BRCA2: variants seen among roughly 807,000 people sequenced by gnomAD.
BRCA2 encodes the protein BRCA2 DNA repair associated.
A neutral mutation model predicts 276.7 loss-of-function variants in BRCA2; 203 were observed. The observed-to-expected ratio is 0.73, with a 90% CI of 0.65 to 0.82. BRCA2 has a LOEUF of 0.82. Ranked by LOEUF, BRCA2 falls within the 40% of genes least tolerant of loss-of-function variation. The pLI, the probability that BRCA2 is intolerant of heterozygous loss-of-function variation, is 0.00. For synonymous variants in BRCA2, 1,289 were observed against 1,338.4 expected (o/e 0.96, Z 0.81); for missense variants, 3,920 against 3,915.0 (o/e 1.00, Z -0.03).
intron 1 of BRCA2, among the ~76,000 whole-genome samples, chr13:32,316,049 T>A (rs2072255099): frequency 6.6e-6 from 1 of 152,218 alleles, no homozygotes; most frequent in South Asian, 2.1e-4. Flanking sequence ...GTATTTGCCT[T>A]ACTTAAGCCC....
chr13:32,399,358 C>A lies in BRCA2; in HGVS notation c.*588C>A. 1 of 190,844 alleles carries A rather than the reference C, an allele frequency of 5.2e-6. No individual in the cohort carries two copies. The highest frequency in any genetic ancestry group is 1.1e-5 in the Non-Finnish European group (1 of 91,160). 11.8% of individuals were successfully genotyped at this position (190,844 alleles called of 1,614,324 possible). On this transcript the variant is annotated 3_prime_UTR_variant, in exon 27 of 27. Coordinates refer to ENST00000380152, the MANE Select transcript of BRCA2 (RefSeq NM_000059.4). ...AGAGGTAACTCACTATGAAATAGTT[C>A]TCCTTAATGCAAATATGTTGGTTCT...
intron 11 of BRCA2, among the ~76,000 whole-genome samples, chr13:32,343,190 T>C (rs1348311715): frequency 1.3e-5 from 2 of 152,178 alleles, no homozygotes; most frequent in African/African-American, 4.8e-5. Context: ...ATTAGGTATG[T>C]ATTTGGTTTT....
rs55647716 is a variant in BRCA2, at chr13:32,357,806, A to T, written c.7682A>T (p.Gln2561Leu). The T allele has an allele frequency of 6.2e-7, 1 of 1,613,890 alleles. No individual in the cohort carries two copies. Among genetic ancestry groups the T allele is most frequent in the Non-Finnish European group, 8.5e-7 (1 of 1,179,816 alleles). ...KINSKNAESFQFHTEDYFGKE... is the reference protein window; with the variant it reads ...KINSKNAESFLFHTEDYFGKE... ...AACAGCAAAAATGCAGAGTCTTTTC[A>T]GTTTCACACTGAAGATTATTTTGGT... is the stretch of plus-strand genomic sequence containing the variant. Residue 2561 changes from glutamine to leucine, a missense_variant, in exon 16 of 27, where the codon CAG becomes CTG. Transcript: ENST00000380152.
chr13:32,362,389 T>C lies in BRCA2; in HGVS notation c.7806-134T>C, dbSNP rs1315598274. ...GTCAAATAATTTTCTGAAATTATATTGTAGATCATATGAACTCATAAAAAC... is the reference window on the plus strand; with the variant it reads ...GTCAAATAATTTTCTGAAATTATATCGTAGATCATATGAACTCATAAAAAC... On this transcript the variant is annotated intron_variant, in intron 16 of 26. Coordinates refer to ENST00000380152, the MANE Select transcript of BRCA2 (RefSeq NM_000059.4). 3 of 827,756 alleles carry C rather than the reference T, an allele frequency of 3.6e-6. No homozygotes were observed. In the African/African-American group the frequency reaches 5.2e-5, roughly 14 times the overall value. The allele number at this position is 827,756 out of a possible 1,614,324, so 51.3% of individuals were successfully genotyped here.
chr13:32,362,631 T>G lies in BRCA2; in HGVS notation c.7914T>G (p.Phe2638Leu), dbSNP rs764248927. 6.2e-6 allele frequency: 10 copies of G among 1,614,234 alleles called. No individual in the cohort carries two copies. The highest frequency in any genetic ancestry group is 8.5e-6 in the Non-Finnish European group (10 of 1,180,040). The stretch of plus-strand genomic sequence containing the variant: ...AACTGGCAGCTATGGAATGTGCCTT[T>G]CCTAAGGAATTTGCTAATAGATGCC... ...IWKLAAMECA[F>L]PKEFANRCLS... The change falls in exon 17 of 27, where the codon TTT becomes TTG. Residue 2638 changes from phenylalanine (F) to leucine (L), a missense_variant. Physicochemically the swap from Phe to Leu is conservative, Grantham distance 22. Transcript: ENST00000380152.
At chr13:32,331,961 A>AT (rs2072394863) in intron 9 of BRCA2, among the ~76,000 whole-genome samples, 1 of 152,160 alleles carries the variant, frequency 6.6e-6, no homozygotes, top group Admixed American at 6.6e-5. Flanking sequence ...AGAATATTTA[A>AT]TTGTATATAT....
chr13:32,323,069 C>A (rs1306276117), intron 3 of BRCA2, among the ~76,000 whole-genome samples: 1 of 152,122 alleles, frequency 6.6e-6, no homozygotes, highest in African/African-American at 2.4e-5. Flanking sequence ...CTCACATCCT[C>A]ACCAGCATTT....
chr13:32,357,968 A>G (rs1050427457), intron 16 of BRCA2, 39 bp downstream of exon 16: 3 of 1,591,320 alleles, frequency 1.9e-6, no homozygotes, highest in African/African-American at 1.3e-5. Flanking sequence ...ACTTTTATGT[A>G]TTCCCTCATC....
rs80359007 is a variant in BRCA2, at chr13:32,357,907, G to T, written c.7783G>T (p.Ala2595Ser). ...GCTCATACCCTCCAATGATGGAAAG[G>T]CTGGAAAAGAAGAATTTTATAGGTA... The part of the protein sequence containing the change: ...GWLIPSNDGK[A>S]GKEEFYRALC... The change falls in exon 16 of 27, where the codon GCT becomes TCT. Residue 2595 changes from alanine to serine, a missense_variant. Ala to Ser is a moderately conservative substitution (Grantham distance 99). Coordinates refer to ENST00000380152, the MANE Select transcript of BRCA2 (RefSeq NM_000059.4). The T allele has an allele frequency of 1.9e-6, 3 of 1,614,090 alleles. No individual in the cohort carries two copies. Among genetic ancestry groups the T allele is most frequent in the Non-Finnish European group, 2.5e-6 (3 of 1,179,998 alleles).
rs138326030 is a variant in BRCA2 at position 32,373,524 on chromosome 13, A to T, written c.8632+2424A>T. Among the ~76,000 whole-genome samples the T allele has an allele frequency of 0.022, 3,292 of 152,168 alleles. 80 individuals are homozygous for T. Among genetic ancestry groups the T allele is most frequent in the Admixed American group, 0.064 (977 of 15,286 alleles). ...CTGTCTCAAAAAAATAAATAAAAAA[A>T]AATAATAAAAATAACTCCTAGCCTC... On this transcript the variant is annotated intron_variant, in intron 20 of 26. Coordinates refer to ENST00000380152, the MANE Select transcript of BRCA2 (RefSeq NM_000059.4).
chr13:32,357,784 A>G lies in BRCA2; in HGVS notation c.7660A>G (p.Ser2554Gly), dbSNP rs879255464. The G allele has an allele frequency of 6.2e-7, 1 of 1,613,876 alleles. No individual in the cohort carries two copies. Among genetic ancestry groups the G allele is most frequent in the Non-Finnish European group, 8.5e-7 (1 of 1,179,828 alleles). The part of the protein sequence containing the change: ...GVSKHCIKIN[S>G]KNAESFQFHT... ...TTCTAAACATTGCATAAAAATTAAC[A>G]GCAAAAATGCAGAGTCTTTTCAGTT... Residue 2554 changes from serine to glycine, a missense_variant, in exon 16 of 27, where the codon AGC becomes GGC. By Grantham distance (56) the Ser-to-Gly change is moderately conservative. Transcript: ENST00000380152.
intron 24 of BRCA2, among the ~76,000 whole-genome samples, chr13:32,392,371 A>G (rs565054608): frequency 4.3e-4 from 66 of 152,214 alleles, no homozygotes; most frequent in African/African-American, 1.4e-3. Flanking sequence ...GATAGCACCT[A>G]CCCATCTTTC....
At chr13:32,329,413 A>G (rs1242429941) in intron 7 of BRCA2, 30 bp from the exon 8 acceptor site, 4 of 1,530,134 alleles carry the variant, frequency 2.6e-6, no homozygotes, top group Non-Finnish European at 2.7e-6. Flanking sequence ...TAGTGATAAT[A>G]TACAATACAC....
At chr13:32,389,596 G>A (rs2072983230) in intron 24 of BRCA2, among the ~76,000 whole-genome samples, 1 of 152,002 alleles carries the variant, frequency 6.6e-6, no homozygotes, top group Non-Finnish European at 1.5e-5. Flanking sequence ...GAAAAATATT[G>A]TGCCACTTCC....
At chr13:32,346,032 T>C (rs2137539754) in intron 12 of BRCA2, among the ~76,000 whole-genome samples, 1 of 152,154 alleles carries the variant, frequency 6.6e-6, no homozygotes, top group Admixed American at 6.5e-5. Flanking sequence ...TTTTTTTCCA[T>C]TTGTTTTCAA....
At chr13:32,341,825 G>A (rs1301796832) in intron 11 of BRCA2, among the ~76,000 whole-genome samples, 4 of 148,546 alleles carry the variant, frequency 2.7e-5, no homozygotes, top group Admixed American at 2.0e-4. Flanking sequence ...CCGAGATCCC[G>A]CCACTGCACT....
At chr13:32,372,895 G>A (rs879364707) in intron 20 of BRCA2, among the ~76,000 whole-genome samples, 4 of 152,078 alleles carry the variant, frequency 2.6e-5, no homozygotes, top group Non-Finnish European at 5.9e-5. Context: ...GGGGGTACAG[G>A]CATTGGGTAA....
chr13:32,359,154 G>A (rs970199281), intron 16 of BRCA2, among the ~76,000 whole-genome samples: 4 of 150,674 alleles, frequency 2.7e-5, no homozygotes, highest in Non-Finnish European at 5.9e-5. Flanking sequence ...CCCGGGAGGC[G>A]GAGGTTGCAG....
intron 16 of BRCA2, among the ~76,000 whole-genome samples, chr13:32,359,692 C>T (rs61946968): frequency 1.3e-3 from 203 of 152,240 alleles, no homozygotes; most frequent in African/African-American, 4.7e-3. Flanking sequence ...CAAACATCTG[C>T]TTATAGATTC....
Sources: gnomAD v4.1 joint callset for allele counts (sites outside exome capture counted in the v4.1 genomes callset) on GRCh38, gnomAD v4.1.1 for gene constraint, MANE v1.5 for transcripts, NCBI Gene and HGNC (gene_info 2026-07-23, HGNC 2026-07-21) for gene names.